The following SRGAP1 variants were observed in gnomAD, a reference collection of about 807,000 sequenced individuals.
SRGAP1 encodes SLIT-ROBO Rho GTPase-activating protein 1.
SRGAP1 carries 43 observed loss-of-function variants against 121.9 expected under a neutral mutation model. The observed-to-expected ratio is 0.35, with a 90% CI of 0.28 to 0.46. SRGAP1 has a LOEUF of 0.46. SRGAP1 is among the 20% of genes least tolerant of loss of function. The probability of loss-of-function intolerance (pLI) is 1.00; values close to 1 mark genes in which losing one functional copy is unlikely to be tolerated. For synonymous variants in SRGAP1, 447 were observed against 485.4 expected (o/e 0.92, Z 1.04); for missense variants, 1,102 against 1,350.9 (o/e 0.82, Z 2.89).
chr12:64,093,807 A>T (rs2136588094), intron 12 of SRGAP1, among the ~76,000 whole-genome samples: 1 of 152,310 alleles, frequency 6.6e-6, no homozygotes, highest in East Asian at 1.9e-4. Context: ...TTATACACTG[A>T]TTAGATTGTG....
At chr12:64,059,275 G>A (rs904175958) in intron 6 of SRGAP1, among the ~76,000 whole-genome samples, 16 of 152,126 alleles carry the variant, frequency 1.1e-4, no homozygotes, top group South Asian at 4.2e-4. Flanking sequence ...ATTTTGAGGC[G>A]TGAGCTAAGT....
At chr12:64,045,495 G>T (rs2035111538) in intron 6 of SRGAP1, among the ~76,000 whole-genome samples, 1 of 151,590 alleles carries the variant, frequency 6.6e-6, no homozygotes. Flanking sequence ...GAGTTCAGTG[G>T]TACAATCTTG....
At position 64,094,979 on chromosome 12, in the gene SRGAP1, C is replaced by T; in HGVS notation, c.1587C>T (p.Phe529=). The change falls in exon 13 of 22, where the codon TTC becomes TTT. Residue 529 remains phenylalanine, a synonymous_variant. Transcript: ENST00000355086. The part of the protein sequence containing the change: ...IPLIVESCIR[F]INLYGLQHQG... ...TCATTGTGGAAAGCTGTATTCGGTT[C>T]ATCAATCTCTATGGTAAGCCATAAA... is the stretch of plus-strand genomic sequence containing the variant. 5 of 1,614,042 alleles carry T rather than the reference C, an allele frequency of 3.1e-6. No individual in the cohort carries two copies. The highest frequency in any genetic ancestry group is 4.2e-6 in the Non-Finnish European group (5 of 1,179,972).
At chr12:64,041,359 T>TTTTATTTATTTA (rs537809038) in intron 4 of SRGAP1, among the ~76,000 whole-genome samples, 100 of 85,810 alleles carry the variant, frequency 1.2e-3, no homozygotes, top group African/African-American at 2.6e-3. Context: ...TGGCATTTTA[T>TTTTATTTATTTA]TTTATTTATT....
At chr12:63,919,592 C>G (rs909049288) in intron 1 of SRGAP1, among the ~76,000 whole-genome samples, 1 of 146,586 alleles carries the variant, frequency 6.8e-6, no homozygotes. Flanking sequence ...TGACTTACCA[C>G]CTAATCTACA....
At chr12:64,008,581 T>C (rs2034157786) in intron 3 of SRGAP1, among the ~76,000 whole-genome samples, 3 of 152,186 alleles carry the variant, frequency 2.0e-5, no homozygotes, top group Admixed American at 2.0e-4. Context: ...TTTGCTTGGC[T>C]TAAAGTGTTT....
At chr12:63,892,224 C>G (rs150422507) in intron 1 of SRGAP1, among the ~76,000 whole-genome samples, 1 of 152,200 alleles carries the variant, frequency 6.6e-6, no homozygotes, top group Non-Finnish European at 1.5e-5. Flanking sequence ...CAGGGTCAAC[C>G]ATTTTTAAAT....
At chr12:63,956,584 G>A (rs2032478919) in intron 1 of SRGAP1, among the ~76,000 whole-genome samples, 1 of 152,160 alleles carries the variant, frequency 6.6e-6, no homozygotes, top group South Asian at 2.1e-4. Context: ...TACTGAAAGA[G>A]CAACAAGAAA....
At chr12:64,105,582 G>C in intron 15 of SRGAP1, among the ~76,000 whole-genome samples, 2 of 152,208 alleles carry the variant, frequency 1.3e-5, no homozygotes, top group South Asian at 4.2e-4. Context: ...CCAGGAGTTT[G>C]AGACCAACCT....
chr12:63,997,352 A>T (rs561124242), intron 3 of SRGAP1, among the ~76,000 whole-genome samples: 2 of 152,036 alleles, frequency 1.3e-5, no homozygotes, highest in Admixed American at 6.6e-5. Flanking sequence ...GTGTAAGTAC[A>T]CTCTATGATG....
intron 1 of SRGAP1, among the ~76,000 whole-genome samples, chr12:63,898,540 A>G (rs887075394): frequency 3.9e-5 from 6 of 152,236 alleles, no homozygotes; most frequent in African/African-American, 1.4e-4. Flanking sequence ...AATTTAAATC[A>G]TTCCAGGTTT....
At chr12:63,941,601 T>G (rs1368973864) in intron 1 of SRGAP1, among the ~76,000 whole-genome samples, 2 of 152,044 alleles carry the variant, frequency 1.3e-5, no homozygotes, top group Non-Finnish European at 2.9e-5. Context: ...TGTGTGAACA[T>G]TTTTTGAAAA....
At chr12:64,087,119 T>C in intron 11 of SRGAP1, 93 bp downstream of exon 11, 2 of 987,798 alleles carry the variant, frequency 2.0e-6, no homozygotes, top group South Asian at 3.2e-5. Context: ...AACATTTTGT[T>C]AATGAATACG....
Position 64,008,728 on chromosome 12 carries a change from G to A in SRGAP1, c.427-8222G>A, listed in dbSNP as rs375762553. Among the ~76,000 whole-genome samples the A allele has an allele frequency of 2.4e-4, 37 of 152,226 alleles. No homozygotes were observed. The South Asian group carries it at 7.7e-3, about 32-fold the overall frequency. The stretch of plus-strand genomic sequence containing the variant: ...AAATTAGTAGAATTAATGGGTTAAT[G>A]CGTGACTGAGTATGTGAATGAATGA... On this transcript the variant is annotated intron_variant, in intron 3 of 21. Coordinates refer to ENST00000355086, the MANE Select transcript of SRGAP1 (RefSeq NM_020762.4).
chr12:64,108,395 C>A (rs1375653967), intron 15 of SRGAP1, among the ~76,000 whole-genome samples: 1 of 152,070 alleles, frequency 6.6e-6, no homozygotes, highest in African/African-American at 2.4e-5. Context: ...ATTCTTAGTG[C>A]TTGAAACCTG....
At chr12:64,001,077 C>T (rs2033880616) in intron 3 of SRGAP1, among the ~76,000 whole-genome samples, 1 of 152,088 alleles carries the variant, frequency 6.6e-6, no homozygotes, top group African/African-American at 2.4e-5. Flanking sequence ...CACACACAAA[C>T]ACGTAGTACT....
chr12:64,127,167 A>G (rs572436800), intron 19 of SRGAP1, among the ~76,000 whole-genome samples: 3 of 152,326 alleles, frequency 2.0e-5, no homozygotes, highest in East Asian at 1.9e-4. Context: ...TGTTCCCACA[A>G]TGATGAGATT....
intron 21 of SRGAP1, among the ~76,000 whole-genome samples, chr12:64,131,798 C>G (rs1483493061): frequency 6.6e-6 from 1 of 152,202 alleles, no homozygotes; most frequent in Non-Finnish European, 1.5e-5. Flanking sequence ...ATAGGCAGTT[C>G]AGGTTGCATG....
intron 15 of SRGAP1, among the ~76,000 whole-genome samples, chr12:64,099,090 T>C (rs929108317): frequency 1.3e-5 from 2 of 152,216 alleles, no homozygotes; most frequent in African/African-American, 2.4e-5. Flanking sequence ...GTTTAGGCAG[T>C]AGGTTAAGAA....
Sources: gnomAD v4.1 joint callset for allele counts (sites outside exome capture counted in the v4.1 genomes callset) on GRCh38, gnomAD v4.1.1 for gene constraint, MANE v1.5 for transcripts, NCBI Gene and HGNC (gene_info 2026-07-23, HGNC 2026-07-21) for gene names.